Variants in SHISA9 observed in about 807,000 individuals in gnomAD.
The protein encoded by SHISA9 is protein shisa-9.
Under a neutral mutation model 38.0 loss-of-function variants are expected in SHISA9, and 13 were observed. The observed-to-expected ratio is 0.34, with a 90% CI of 0.22 to 0.54. The LOEUF (loss-of-function observed/expected upper bound fraction) is 0.54, where lower values mean the gene tolerates loss of function less well. Among genes scored for constraint, SHISA9 ranks in the 20% least tolerant of loss-of-function variants. The pLI, the probability that SHISA9 is intolerant of heterozygous loss-of-function variation, is 0.91. For synonymous variants in SHISA9, 275 were observed against 242.0 expected (o/e 1.14, Z -1.27); for missense variants, 538 against 575.8 (o/e 0.93, Z 0.67).
chr16:13,093,624 G>A (rs957313127), intron 2 of SHISA9, among the ~76,000 whole-genome samples: 10 of 152,164 alleles, frequency 6.6e-5, no homozygotes, highest in African/African-American at 1.7e-4. Flanking sequence ...GAAAAGTCTC[G>A]TTTCCCTTTA....
At chr16:13,203,292 A>C in intron 2 of SHISA9, 102 bp from the exon 3 acceptor site, 1 of 1,190,038 alleles carries the variant, frequency 8.4e-7, no homozygotes, top group Non-Finnish European at 1.1e-6. Context: ...TGCGTCCCTA[A>C]AGGGTGGGGA....
At chr16:13,125,497 A>G (rs2050248807) in intron 2 of SHISA9, among the ~76,000 whole-genome samples, 1 of 152,128 alleles carries the variant, frequency 6.6e-6, no homozygotes, top group South Asian at 2.1e-4. Context: ...ATCTCACAGA[A>G]CCATTGTGAT....
intron 4 of SHISA9, among the ~76,000 whole-genome samples, chr16:13,225,206 A>G (rs1236748954): frequency 6.6e-6 from 1 of 152,226 alleles, no homozygotes; most frequent in Non-Finnish European, 1.5e-5. Flanking sequence ...GCCAGCAACC[A>G]CCAGAAATTC....
At chr16:13,059,686 G>A (rs2073351959) in intron 2 of SHISA9, among the ~76,000 whole-genome samples, 1 of 152,104 alleles carries the variant, frequency 6.6e-6, no homozygotes, top group Non-Finnish European at 1.5e-5. Flanking sequence ...ATAAAAAGAA[G>A]AGTCTATCTG....
chr16:13,203,255 C>A, intron 2 of SHISA9, 139 bp from the exon 3 acceptor site: 1 of 705,952 alleles, frequency 1.4e-6, no homozygotes, highest in Non-Finnish European at 2.1e-6. Flanking sequence ...TCCCATGTAT[C>A]TGTGAACCCT....
chr16:13,324,571 C>T, the SHISA9 span, among the ~76,000 whole-genome samples: 1 of 152,228 alleles, frequency 6.6e-6, no homozygotes, highest in African/African-American at 2.4e-5. Context: ...TTTTTTCAAT[C>T]TAGGCATCCT....
chr16:13,175,030 C>G (rs2050719486), intron 2 of SHISA9, among the ~76,000 whole-genome samples: 1 of 152,130 alleles, frequency 6.6e-6, no homozygotes, highest in Admixed American at 6.5e-5. Context: ...CCAGAGCTGC[C>G]TATCGGATGC....
At chr16:13,069,118 A>T (rs2073474608) in intron 2 of SHISA9, among the ~76,000 whole-genome samples, 1 of 151,836 alleles carries the variant, frequency 6.6e-6, no homozygotes, top group African/African-American at 2.4e-5. Context: ...GTGTACATGC[A>T]ATGTGTATAT....
chr16:13,106,966 TTCTCTCTCTCTCTC>T (rs56109043), intron 2 of SHISA9, among the ~76,000 whole-genome samples: 5,663 of 145,312 alleles, frequency 0.039, 156 homozygotes, highest in African/African-American at 0.075. Context: ...CTTTCTCACG[TTCTCTCTCTCTCTC>T]TCTCTCTCTC....
chr16:13,117,657 G>T (rs1567218039), intron 2 of SHISA9, among the ~76,000 whole-genome samples: 2 of 152,206 alleles, frequency 1.3e-5, no homozygotes, highest in Non-Finnish European at 2.9e-5. Context: ...AGCTGGAGGA[G>T]ACAAGGGATG....
the SHISA9 span, among the ~76,000 whole-genome samples, chr16:13,270,000 G>A: frequency 6.6e-6 from 1 of 152,092 alleles, no homozygotes; most frequent in South Asian, 2.1e-4. Flanking sequence ...GAGACCCAGA[G>A]AGCCTGACCC....
intron 2 of SHISA9, among the ~76,000 whole-genome samples, chr16:13,038,874 C>T (rs1174464679): frequency 6.6e-6 from 1 of 152,144 alleles, no homozygotes; most frequent in East Asian, 1.9e-4. Flanking sequence ...TGACTCAGTA[C>T]CTGTCTCTGT....
chr16:12,983,172 G>C (rs1349127396), intron 2 of SHISA9, among the ~76,000 whole-genome samples: 1 of 152,192 alleles, frequency 6.6e-6, no homozygotes, highest in East Asian at 1.9e-4. Flanking sequence ...GCTGCAGAGA[G>C]AAGTGTTCAG....
At chr16:13,358,259 G>C in the SHISA9 span, among the ~76,000 whole-genome samples, 1 of 152,132 alleles carries the variant, frequency 6.6e-6, no homozygotes, top group Non-Finnish European at 1.5e-5. Context: ...TGTCTACCTG[G>C]GAGCATGAGG....
intron 2 of SHISA9, among the ~76,000 whole-genome samples, chr16:13,096,622 C>T (rs1388128148): frequency 1.3e-5 from 2 of 152,098 alleles, no homozygotes; most frequent in Non-Finnish European, 2.9e-5. Context: ...TTGTAGTTAT[C>T]CAAAAGCCTT....
the SHISA9 span, among the ~76,000 whole-genome samples, chr16:13,476,798 G>T: frequency 7.2e-6 from 1 of 139,442 alleles, no homozygotes; most frequent in Non-Finnish European, 1.5e-5. Flanking sequence ...GCCCAGGCTG[G>T]AGTGCAGTGG....
At chr16:12,945,195 C>T (rs2071672644) in intron 2 of SHISA9, among the ~76,000 whole-genome samples, 1 of 152,256 alleles carries the variant, frequency 6.6e-6, no homozygotes, top group African/African-American at 2.4e-5. Flanking sequence ...GCAGCTGGCA[C>T]TCTTGAGTGT....
intron 2 of SHISA9, among the ~76,000 whole-genome samples, chr16:12,962,949 G>C (rs1243057245): frequency 6.6e-6 from 1 of 152,098 alleles, no homozygotes; most frequent in Non-Finnish European, 1.5e-5. Flanking sequence ...TCCTTCCACT[G>C]GGGTGCTCAG....
At chr16:13,517,899 G>C in the SHISA9 span, among the ~76,000 whole-genome samples, 1 of 152,178 alleles carries the variant, frequency 6.6e-6, no homozygotes, top group Non-Finnish European at 1.5e-5. Context: ...CACCATGCAA[G>C]GTGGAGAATA....
Sources: allele counts gnomAD v4.1 joint callset (sites outside exome capture counted in the v4.1 genomes callset), GRCh38; gene constraint gnomAD v4.1.1; transcripts MANE v1.5; gene names NCBI Gene and HGNC (gene_info 2026-07-23, HGNC 2026-07-21).